Variants in AQR observed in about 807,000 individuals in gnomAD.
The protein encoded by AQR is aquarius intron-binding spliceosomal factor.
AQR carries 61 observed loss-of-function variants against 180.5 expected under a neutral mutation model. The observed-to-expected ratio is 0.34, with a 90% CI of 0.28 to 0.42. The LOEUF (loss-of-function observed/expected upper bound fraction) is 0.42. Among genes scored for constraint, AQR ranks in the 10% least tolerant of loss-of-function variants. AQR has a pLI of 1.00. For synonymous variants in AQR, 551 were observed against 588.8 expected, an observed-to-expected ratio of 0.94 and a Z score of 0.93; for missense variants, 1,281 against 1,798.3, an observed-to-expected ratio of 0.71 and a Z score of 5.20.
chr15:34,963,563 A>G lies in AQR; in HGVS notation c.132+671T>C, dbSNP rs540088475. ...TGTACAAAAATTTCTGTATATTTAC[A>G]AAGATATTTATTACATGATCATTTA... On this transcript the variant is annotated intron_variant, in intron 2 of 34. Transcript: ENST00000156471. Among the ~76,000 whole-genome samples the G allele has an allele frequency of 7.2e-5, 11 of 151,982 alleles. 1 individual carries two copies. Among genetic ancestry groups the G allele is most frequent in the African/African-American group, 2.4e-4 (10 of 41,518 alleles).
intron 8 of AQR, among the ~76,000 whole-genome samples, chr15:34,940,431 G>A (rs1474662295): frequency 6.6e-6 from 1 of 152,102 alleles, no homozygotes; most frequent in African/African-American, 2.4e-5. Context: ...TCAGAGGCTG[G>A]GGCAAGAGAA....
Position 34,906,433 on chromosome 15 carries a change from A to G in AQR, c.1831+112T>C, listed in dbSNP as rs1205104870. ...TATTTGATACAAAATCCTTTGTGTC[A>G]ATTTAGTAGGTAAAAGAACTAAAAA... On this transcript the variant is annotated intron_variant, in intron 18 of 34. Coordinates refer to ENST00000156471, the MANE Select transcript of AQR (RefSeq NM_014691.3). The G allele has an allele frequency of 3.9e-6, 5 of 1,288,218 alleles. No homozygotes were observed. In the Admixed American group the frequency reaches 1.1e-4, roughly 29 times the overall value. 79.8% of individuals were successfully genotyped at this position (1,288,218 alleles called of 1,614,324 possible).
At chr15:34,922,050 G>C (rs1893691309) in intron 13 of AQR, among the ~76,000 whole-genome samples, 1 of 152,196 alleles carries the variant, frequency 6.6e-6, no homozygotes, top group African/African-American at 2.4e-5. Context: ...AAGCTCAAGT[G>C]ATCTGCCTGC....
At chr15:34,908,313 T>C (rs1893449985) in intron 17 of AQR, among the ~76,000 whole-genome samples, 1 of 152,040 alleles carries the variant, frequency 6.6e-6, no homozygotes, top group South Asian at 2.1e-4. Context: ...GGCGGGTGCC[T>C]GTAATCCCAG....
intron 20 of AQR, among the ~76,000 whole-genome samples, chr15:34,898,225 T>C (rs1893277977): frequency 1.3e-5 from 2 of 152,124 alleles, no homozygotes; most frequent in South Asian, 4.1e-4. Context: ...GTCTAGAATA[T>C]GAAGCTTTTA....
At chr15:34,944,253 C>A (rs1894074795) in intron 6 of AQR, 35 bp downstream of exon 6, 2 of 1,542,188 alleles carry the variant, frequency 1.3e-6, no homozygotes, top group Non-Finnish European at 1.7e-6. Context: ...AACAAGAAAA[C>A]TTGAAAATTA....
At chr15:34,920,585 G>A in intron 13 of AQR, 151 bp from the exon 14 acceptor site, 2 of 639,986 alleles carry the variant, frequency 3.1e-6, no homozygotes, top group Non-Finnish European at 5.3e-6. Context: ...TAAGGCTTTA[G>A]TGCAGGGTTC....
chr15:34,916,898 A>AG (rs1240035564), intron 15 of AQR, among the ~76,000 whole-genome samples: 40 of 121,314 alleles, frequency 3.3e-4, no homozygotes, highest in African/African-American at 1.1e-3. Flanking sequence ...AAAAAAAAAA[A>AG]AAAGAAAGAA....
intron 16 of AQR, among the ~76,000 whole-genome samples, chr15:34,910,540 T>C (rs981685710): frequency 1.3e-5 from 2 of 152,102 alleles, no homozygotes; most frequent in African/African-American, 4.8e-5. Flanking sequence ...CAGGCAAACA[T>C]GGTCCAGAAA....
chr15:34,884,546 C>T lies in AQR; in HGVS notation c.3006G>A (p.Lys1002=), dbSNP rs552596065. 6.9e-6 allele frequency: 11 copies of T among 1,596,080 alleles called. No homozygotes were observed. In the African/African-American group the frequency reaches 1.2e-4, roughly 18 times the overall value. The change falls in exon 26 of 35, where the codon AAG becomes AAA. Residue 1002 remains lysine (K), a synonymous_variant. Transcript: ENST00000156471. ...EIAEGCFRHI[K]KIFTQLEEFR... ...TTACCTCAAGCTGCGTAAAGATTTT[C>T]TTAATATGCCTGAAACATCCTTCAG...
At chr15:34,953,047 G>T in intron 3 of AQR, 127 bp from the exon 4 acceptor site, 1 of 549,130 alleles carries the variant, frequency 1.8e-6, no homozygotes, top group Non-Finnish European at 3.2e-6. Flanking sequence ...CATAATATCA[G>T]ATCACAACTT....
At chr15:34,954,926 C>T (rs1287506950) in intron 3 of AQR, among the ~76,000 whole-genome samples, 3 of 152,068 alleles carry the variant, frequency 2.0e-5, no homozygotes, top group Non-Finnish European at 4.4e-5. Context: ...GGTTCGAGAC[C>T]AGCATGGACA....
At position 34,934,653 on chromosome 15, in the gene AQR, C is replaced by T. The variant is rs760533636; in HGVS notation, c.719-18G>A. On this transcript the variant is annotated intron_variant, in intron 9 of 34. Coordinates refer to ENST00000156471, the MANE Select transcript of AQR (RefSeq NM_014691.3). ...GACAGGTTCTAGACATAAGAGAGAA[C>T]GCATGATAGAATTTCCTTACTAGGC... The T allele has an allele frequency of 7.3e-6, 11 of 1,516,404 alleles. No homozygotes were observed. The highest frequency in any genetic ancestry group is 2.8e-5 in the African/African-American group (2 of 70,560). 93.9% of individuals were successfully genotyped at this position (1,516,404 alleles called of 1,614,324 possible).
At chr15:34,871,041 CT>C in intron 30 of AQR, 119 bp from the exon 31 acceptor site, 1 of 886,332 alleles carries the variant, frequency 1.1e-6, no homozygotes, top group Non-Finnish European at 1.7e-6. Context: ...GAAGTGAAGA[CT>C]TAGTAACTTG....
At chr15:34,921,261 C>T (rs993538396) in intron 13 of AQR, among the ~76,000 whole-genome samples, 2 of 151,554 alleles carry the variant, frequency 1.3e-5, no homozygotes, top group African/African-American at 4.9e-5. Flanking sequence ...TGGTGAAACC[C>T]CGTCTCTACT....
Position 34,943,444 on chromosome 15 carries a change from AAAATAAATAAATAAATAAAT to A in AQR, c.471+824_471+843del, listed in dbSNP as rs3062307. 1.8e-4 allele frequency: 94 copies of A among 512,186 alleles called. 4 individuals are homozygous for A. The highest frequency in any genetic ancestry group is 1.6e-3 in the African/African-American group (75 of 47,838). The allele number at this position is 512,186 out of a possible 1,614,324, so 31.7% of individuals were successfully genotyped here. A position where few individuals can be genotyped will look rare whatever the true frequency, so the allele number is the denominator to read the frequency against. ...ACAATAAAATCTTGAGTTTATGTTC[AAAATAAATAAATAAATAAAT>A]AAATAAATAAATAAATAAAAATAAA... On this transcript the variant is annotated intron_variant, in intron 6 of 34. Coordinates refer to ENST00000156471, the MANE Select transcript of AQR (RefSeq NM_014691.3).
At chr15:34,919,940 A>G (rs1198068942) in intron 14 of AQR, among the ~76,000 whole-genome samples, 1 of 152,118 alleles carries the variant, frequency 6.6e-6, no homozygotes, top group Admixed American at 6.6e-5. Flanking sequence ...CAAAAAAAGA[A>G]GAAGAATTCC....
chr15:34,932,528 C>T, intron 10 of AQR, 94 bp from the exon 11 acceptor site: 2 of 892,456 alleles, frequency 2.2e-6, no homozygotes, highest in Admixed American at 2.6e-5. Flanking sequence ...GTATTAATCA[C>T]ATACAAGGTA....
intron 24 of AQR, 122 bp from the exon 25 acceptor site, chr15:34,886,783 T>G: frequency 9.8e-7 from 1 of 1,021,278 alleles, no homozygotes; most frequent in South Asian, 1.7e-5. Flanking sequence ...AAGATATGGC[T>G]TCTATTTAAC....
Sources: gnomAD v4.1 joint callset for allele counts (sites outside exome capture counted in the v4.1 genomes callset) on GRCh38, gnomAD v4.1.1 for gene constraint, MANE v1.5 for transcripts, NCBI Gene and HGNC (gene_info 2026-07-23, HGNC 2026-07-21) for gene names.